The following PRKN variants were observed in gnomAD, a reference collection of about 807,000 sequenced individuals.
PRKN encodes E3 ubiquitin-protein ligase parkin.
PRKN carries 56 observed loss-of-function variants against 59.5 expected under a neutral mutation model. That is an observed-to-expected ratio of 0.94 (90% CI 0.76 to 1.18). The LOEUF is 1.18. Ranked by LOEUF, PRKN falls within the 50% of genes most tolerant of loss-of-function variation. The probability of loss-of-function intolerance (pLI) is 0.00; values close to 1 mark genes in which losing one functional copy is unlikely to be tolerated. For missense variants in PRKN, 657 were observed against 596.4 expected (o/e 1.10, Z -1.06); for synonymous variants, 250 against 222.1 (o/e 1.13, Z -1.12).
At chr6:161,744,203 A>T (rs937599445) in intron 7 of PRKN, among the ~76,000 whole-genome samples, 1 of 151,482 alleles carries the variant, frequency 6.6e-6, no homozygotes, top group Non-Finnish European at 1.5e-5. Flanking sequence ...TTTTTTTTCA[A>T]ACTGGGTATA....
chr6:162,260,566 A>T (rs2128099402), intron 3 of PRKN, among the ~76,000 whole-genome samples: 1 of 152,284 alleles, frequency 6.6e-6, no homozygotes, highest in Admixed American at 6.5e-5. Context: ...AGTGTCAATA[A>T]TTCTAAGTTC....
chr6:161,763,381 C>G (rs1028834283), intron 7 of PRKN, among the ~76,000 whole-genome samples: 1 of 151,574 alleles, frequency 6.6e-6, no homozygotes, highest in East Asian at 2.0e-4. Flanking sequence ...CCCTGGGAAA[C>G]AGGAGACACC....
At chr6:162,522,780 G>C (rs2128193999) in intron 1 of PRKN, among the ~76,000 whole-genome samples, 2 of 143,904 alleles carry the variant, frequency 1.4e-5, no homozygotes, top group South Asian at 4.9e-4. Flanking sequence ...ATAACACTGT[G>C]AGTCAGATGA....
intron 1 of PRKN, among the ~76,000 whole-genome samples, chr6:162,519,612 T>G (rs1345106179): frequency 6.6e-6 from 1 of 152,160 alleles, no homozygotes; most frequent in African/African-American, 2.4e-5. Flanking sequence ...ACTGACTTCT[T>G]TCTGAGGCCA....
chr6:161,830,454 G>C (rs956158187), intron 6 of PRKN, among the ~76,000 whole-genome samples: 1 of 151,900 alleles, frequency 6.6e-6, no homozygotes, highest in East Asian at 1.9e-4. Context: ...GTGTTTCACC[G>C]TGTTAGCCAG....
chr6:161,910,416 G>A (rs1456987134), intron 6 of PRKN, among the ~76,000 whole-genome samples: 3 of 151,906 alleles, frequency 2.0e-5, no homozygotes, highest in South Asian at 2.1e-4. Context: ...TACCACACCC[G>A]GCTAATTTTT....
chr6:162,122,511 G>A (rs1235893645), intron 4 of PRKN, among the ~76,000 whole-genome samples: 1 of 152,142 alleles, frequency 6.6e-6, no homozygotes, highest in Non-Finnish European at 1.5e-5. Context: ...TCCTAGTCAC[G>A]ATATGGCACT....
chr6:161,720,370 G>T (rs889638059), intron 7 of PRKN, among the ~76,000 whole-genome samples: 1 of 152,104 alleles, frequency 6.6e-6, no homozygotes, highest in Non-Finnish European at 1.5e-5. Context: ...GGTACCTGGA[G>T]AAATCTGAAC....
intron 6 of PRKN, among the ~76,000 whole-genome samples, chr6:161,956,201 T>C (rs897361559): frequency 2.6e-5 from 4 of 152,104 alleles, no homozygotes; most frequent in African/African-American, 7.2e-5. Flanking sequence ...CAACTAGAGG[T>C]AGAACTGGGT....
rs575213212 is a variant in PRKN, at chr6:162,570,110, AT to A, written c.8-126638del. On this transcript the variant is annotated intron_variant, in intron 1 of 11. Transcript: ENST00000366898. ...GCTCAAACAATGCTATAGGAAAAAA[AT>A]ATATAATAATCTGATCATTTTAAAT... is the stretch of plus-strand genomic sequence containing the variant. Among the ~76,000 whole-genome samples the A allele has an allele frequency of 8.1e-3, 1,241 of 152,368 alleles. 13 individuals carry two copies. Among genetic ancestry groups the A allele is most frequent in the South Asian group, 0.017 (84 of 4,826 alleles).
intron 2 of PRKN, among the ~76,000 whole-genome samples, chr6:162,337,262 C>T (rs906444333): frequency 3.9e-5 from 6 of 152,098 alleles, no homozygotes; most frequent in African/African-American, 1.4e-4. Context: ...AAAACACAAC[C>T]CAAAATAACA....
intron 5 of PRKN, among the ~76,000 whole-genome samples, chr6:162,001,548 T>C (rs1782056947): frequency 6.8e-6 from 1 of 147,180 alleles, no homozygotes. Context: ...GGGATTTTTT[T>C]GGTCAATTCT....
rs546709289 is a variant in PRKN, at chr6:162,544,740, C to T, written c.8-101267G>A. Among the ~76,000 whole-genome samples, 4 of 139,100 alleles carry T rather than the reference C, an allele frequency of 2.9e-5. No homozygotes were observed. In the South Asian group the frequency reaches 9.1e-4, roughly 32 times the overall value. 91.3% of individuals were successfully genotyped at this position (139,100 alleles called of 152,430 possible). ...TCACCCAAGCTGGAGAGCAGTGGCG[C>T]GATGTCGACTCACGGCAACCTCCGC... On this transcript the variant is annotated intron_variant, in intron 1 of 11. Transcript: ENST00000366898.
chr6:162,498,356 T>C (rs959320409), intron 1 of PRKN, among the ~76,000 whole-genome samples: 10 of 148,282 alleles, frequency 6.7e-5, no homozygotes, highest in Admixed American at 2.7e-4. Flanking sequence ...TCTACGTAAC[T>C]ATCTCTTCCA....
At chr6:161,644,497 T>C (rs984233415) in intron 7 of PRKN, among the ~76,000 whole-genome samples, 7 of 152,230 alleles carry the variant, frequency 4.6e-5, no homozygotes, top group African/African-American at 1.4e-4. Flanking sequence ...TTCGCCTGCC[T>C]GGCATGTCTT....
rs898657465 is a variant in PRKN, at chr6:161,592,838, G to A, written c.872-23422C>T. On this transcript the variant is annotated intron_variant, in intron 7 of 11. Coordinates refer to ENST00000366898, the MANE Select transcript of PRKN (RefSeq NM_004562.3). This position sits in a 1 kb window ranked among gnomAD's most constrained non-coding sequence, Gnocchi z 4.8. Reference sequence around the variant, plus strand: ...GATAGGAGGGCTGGCGGGAGAGGCAGGAGGTCACCGCAGGACCTGAAGGAA... The same window carrying A: ...GATAGGAGGGCTGGCGGGAGAGGCAAGAGGTCACCGCAGGACCTGAAGGAA... Among the ~76,000 whole-genome samples the A allele has an allele frequency of 6.6e-6, 1 of 152,138 alleles. No individual in the cohort carries two copies.
chr6:162,296,328 G>A (rs1158956771), intron 2 of PRKN, among the ~76,000 whole-genome samples: 1 of 151,052 alleles, frequency 6.6e-6, no homozygotes, highest in Non-Finnish European at 1.5e-5. Context: ...CTCCAGGAAG[G>A]GTATGAGCAC....
chr6:162,259,879 T>G (rs1251961162), intron 3 of PRKN, among the ~76,000 whole-genome samples: 3 of 152,102 alleles, frequency 2.0e-5, no homozygotes, highest in Non-Finnish European at 4.4e-5. Flanking sequence ...AGAACTGGAG[T>G]ACAAAATAGC....
At chr6:162,569,393 G>A in intron 1 of PRKN, 1 of 668,270 alleles carries the variant, frequency 1.5e-6, no homozygotes, top group Non-Finnish European at 2.9e-6. Flanking sequence ...GCAGCTGCAT[G>A]AGTACCAGAA....
Sources: gnomAD v4.1 joint callset for allele counts (sites outside exome capture counted in the v4.1 genomes callset) on GRCh38, gnomAD v4.1.1 for gene constraint, Gnocchi (gnomAD v3.1) non-coding constraint, MANE v1.5 for transcripts, NCBI Gene and HGNC (gene_info 2026-07-23, HGNC 2026-07-21) for gene names.